TBCK: variants seen among roughly 807,000 people sequenced by gnomAD.
The protein encoded by TBCK is TBC domain-containing protein kinase-like protein.
In TBCK, 99 loss-of-function variants were observed where a neutral mutation model predicts 113.4. That is an observed-to-expected ratio of 0.87 (90% CI 0.74 to 1.03). The LOEUF (loss-of-function observed/expected upper bound fraction) is 1.03, where lower values mean the gene tolerates loss of function less well. TBCK is among the 50% of genes least tolerant of loss of function. The pLI is 0.00. For missense variants in TBCK, 1,045 were observed against 1,061.3 expected, an observed-to-expected ratio of 0.98 and a Z score of 0.21; for synonymous variants, 369 against 370.8, an observed-to-expected ratio of 1.00 and a Z score of 0.05.
intron 25 of TBCK, among the ~76,000 whole-genome samples, chr4:106,083,362 C>T (rs1739118717): frequency 6.6e-6 from 1 of 152,232 alleles, no homozygotes; most frequent in Non-Finnish European, 1.5e-5. Context: ...ACCCACCTTC[C>T]TCAGTGGGCG....
At chr4:106,218,278 C>G (rs1252792809) in intron 19 of TBCK, among the ~76,000 whole-genome samples, 2 of 150,514 alleles carry the variant, frequency 1.3e-5, no homozygotes, top group African/African-American at 4.9e-5. Context: ...AGAAGAAAAC[C>G]TAGGCAATAC....
intron 3 of TBCK, among the ~76,000 whole-genome samples, chr4:106,275,815 A>T (rs972533479): frequency 1.3e-5 from 2 of 152,152 alleles, no homozygotes; most frequent in African/African-American, 4.8e-5. Flanking sequence ...CTAGTGGAAG[A>T]CTCAATATTT....
At chr4:106,192,030 T>C (rs1027844122) in intron 22 of TBCK, among the ~76,000 whole-genome samples, 1 of 152,164 alleles carries the variant, frequency 6.6e-6, no homozygotes, top group Non-Finnish European at 1.5e-5. Context: ...TCTAATCTTA[T>C]ACCATCTGTA....
intron 25 of TBCK, among the ~76,000 whole-genome samples, chr4:106,064,621 T>C (rs1736420202): frequency 6.6e-6 from 1 of 151,970 alleles, no homozygotes. Context: ...TTGAATGTGA[T>C]ACACTGTTGG....
At chr4:106,283,909 CTGTT>C in intron 3 of TBCK, among the ~76,000 whole-genome samples, 1 of 152,220 alleles carries the variant, frequency 6.6e-6, no homozygotes, top group East Asian at 1.9e-4. Context: ...AATAGCCAAG[CTGTT>C]TGTTAGTGAA....
At chr4:106,168,754 A>G (rs1369149264) in intron 23 of TBCK, among the ~76,000 whole-genome samples, 1 of 151,958 alleles carries the variant, frequency 6.6e-6, no homozygotes, top group Non-Finnish European at 1.5e-5. Context: ...CTCAAAATCA[A>G]ATACTTAGAT....
At position 106,171,166 on chromosome 4, in the gene TBCK, C is replaced by T; in HGVS notation, c.2164G>A (p.Asp722Asn). Residue 722 changes from aspartate to asparagine, a missense_variant, in exon 23 of 26, where the codon GAC becomes AAC. Transcript: ENST00000394708. ...GCCGAACTTCTGCCTCCACTGCTGT[C>T]AGAAGATGGCTTTGGAGGTTGAGCA... ...QHAQPPKPSS[D>N]SSGGRSSAPY... 3 of 1,612,838 alleles carry T rather than the reference C, an allele frequency of 1.9e-6. No individual in the cohort carries two copies. Among genetic ancestry groups the T allele is most frequent in the Non-Finnish European group, 2.5e-6 (3 of 1,179,404 alleles).
chr4:106,075,394 GAATT>G (rs1303349630), intron 25 of TBCK, among the ~76,000 whole-genome samples: 1 of 152,148 alleles, frequency 6.6e-6, no homozygotes, highest in Non-Finnish European at 1.5e-5. Context: ...GAAGAAGAAA[GAATT>G]ATTTATCATA....
intron 23 of TBCK, among the ~76,000 whole-genome samples, chr4:106,142,803 T>C (rs1178542768): frequency 6.6e-6 from 1 of 152,166 alleles, no homozygotes; most frequent in East Asian, 1.9e-4. Context: ...ATATATTCTA[T>C]AGACTTTCTG....
chr4:106,122,052 GA>G (rs1197137070), intron 23 of TBCK, among the ~76,000 whole-genome samples: 1 of 151,790 alleles, frequency 6.6e-6, no homozygotes, highest in Middle Eastern at 3.2e-3. Flanking sequence ...AATAGAGACA[GA>G]AAAAACCCTT....
intron 23 of TBCK, among the ~76,000 whole-genome samples, chr4:106,153,663 T>C (rs1317571733): frequency 6.6e-6 from 1 of 152,086 alleles, no homozygotes; most frequent in East Asian, 1.9e-4. Context: ...GAAACAAGAG[T>C]GTTGAAGTCT....
intron 24 of TBCK, among the ~76,000 whole-genome samples, chr4:106,098,160 T>C (rs1371158309): frequency 2.0e-5 from 3 of 152,176 alleles, no homozygotes; most frequent in South Asian, 2.1e-4. Flanking sequence ...CTGTATAATA[T>C]AGATAAAAAT....
Position 106,253,181 on chromosome 4 carries a change from TC to T in TBCK, c.456-1175del, listed in dbSNP as rs563273126. Reference sequence around the variant, plus strand: ...TCCTGATGGTTTTACCATGTTTGTATCCCTAAAAAATGTACTGTTTAGTCAA... The same window carrying T: ...TCCTGATGGTTTTACCATGTTTGTATCCTAAAAAATGTACTGTTTAGTCAA... On this transcript the variant is annotated intron_variant, in intron 5 of 25. Coordinates refer to ENST00000394708, the MANE Select transcript of TBCK (RefSeq NM_001163435.3). Among the ~76,000 whole-genome samples the T allele has an allele frequency of 5.6e-3, 845 of 152,246 alleles. 10 individuals carry two copies. The highest frequency in any genetic ancestry group is 0.02 in the African/African-American group (815 of 41,560).
intron 10 of TBCK, among the ~76,000 whole-genome samples, chr4:106,245,044 G>A (rs1247522727): frequency 2.6e-5 from 4 of 152,098 alleles, no homozygotes; most frequent in Non-Finnish European, 5.9e-5. Flanking sequence ...GAGAATAAAG[G>A]GAGCTATGGC....
At chr4:106,222,535 T>C (rs960708727) in intron 19 of TBCK, among the ~76,000 whole-genome samples, 21 of 152,188 alleles carry the variant, frequency 1.4e-4, no homozygotes, top group Admixed American at 1.4e-3. Context: ...AGATGAAAGA[T>C]GATGGGTGGG....
intron 25 of TBCK, 68 bp downstream of exon 25, chr4:106,095,414 T>C (rs1045825877): frequency 7.2e-7 from 1 of 1,387,838 alleles, no homozygotes. Context: ...TACTTTTAGA[T>C]AACCTTCATA....
At chr4:106,122,900 C>G (rs1321465002) in intron 23 of TBCK, among the ~76,000 whole-genome samples, 6 of 152,170 alleles carry the variant, frequency 3.9e-5, no homozygotes, top group African/African-American at 1.4e-4. Context: ...CTATCTATGA[C>G]AAACCCACAG....
At chr4:106,270,372 A>C (rs1763370040) in intron 3 of TBCK, among the ~76,000 whole-genome samples, 1 of 152,100 alleles carries the variant, frequency 6.6e-6, no homozygotes, top group South Asian at 2.1e-4. Context: ...CTATCCTTGC[A>C]CAGAAACTTC....
intron 25 of TBCK, among the ~76,000 whole-genome samples, chr4:106,050,426 T>G (rs1047963180): frequency 2.6e-5 from 4 of 151,994 alleles, no homozygotes; most frequent in Non-Finnish European, 5.9e-5. Context: ...TTTCCAAAAT[T>G]GACCAATTCA....
Sources: gnomAD v4.1 joint callset for allele counts (sites outside exome capture counted in the v4.1 genomes callset) on GRCh38, gnomAD v4.1.1 for gene constraint, MANE v1.5 for transcripts, NCBI Gene and HGNC (gene_info 2026-07-23, HGNC 2026-07-21) for gene names.